Variants in LPP observed in about 807,000 individuals in gnomAD.
The protein encoded by LPP is lipoma-preferred partner.
A neutral mutation model predicts 60.4 loss-of-function variants in LPP; 38 were observed. That is an observed-to-expected ratio of 0.63 (90% CI 0.49 to 0.83). The LOEUF is 0.83. LPP is among the 40% of genes least tolerant of loss of function. The probability of loss-of-function intolerance (pLI) is 0.00; values close to 1 mark genes in which losing one functional copy is unlikely to be tolerated. For synonymous variants in LPP, 328 were observed against 290.8 expected, an observed-to-expected ratio of 1.13 and a Z score of -1.30; for missense variants, 902 against 783.6, an observed-to-expected ratio of 1.15 and a Z score of -1.80.
intron 7 of LPP, among the ~76,000 whole-genome samples, chr3:188,661,552 AGGCTT>A (rs1854575749): frequency 6.6e-6 from 1 of 152,200 alleles, no homozygotes; most frequent in African/African-American, 2.4e-5. Context: ...CTGTGGTAGC[AGGCTT>A]ATTTGCTTAT....
chr3:188,428,301 A>G (rs1420822298), intron 4 of LPP, among the ~76,000 whole-genome samples: 1 of 152,102 alleles, frequency 6.6e-6, no homozygotes, highest in Non-Finnish European at 1.5e-5. Context: ...AAATGCAGAA[A>G]TCACCCACCT....
chr3:188,741,695 CAAGAA>C (rs993505512), intron 8 of LPP, among the ~76,000 whole-genome samples: 7 of 151,256 alleles, frequency 4.6e-5, no homozygotes, highest in African/African-American at 1.7e-4. Context: ...AAAACTTTTC[CAAGAA>C]AAGAAAAGAA....
rs1310882419 is a variant in LPP, at chr3:188,673,857, C to CCTTT, written c.1114-34403_1114-34400dup. ...CAGTCTCTTAAGGAAGGGTAGAGTC[C>CCTTT]CTTTCTTTCTGTCTCTGTAATTTTT... On this transcript the variant is annotated intron_variant, in intron 7 of 11. Transcript: ENST00000617246. 2.0e-5 allele frequency among the ~76,000 whole-genome samples: 3 copies of CCTTT among 149,868 alleles called. No homozygotes were observed. The East Asian group carries it at 5.9e-4, about 30-fold the overall frequency.
chr3:188,345,998 G>C (rs780997288), intron 3 of LPP, among the ~76,000 whole-genome samples: 5 of 152,152 alleles, frequency 3.3e-5, no homozygotes, highest in Non-Finnish European at 7.4e-5. Flanking sequence ...GGGTGGCATA[G>C]ATGATGTCAA....
At chr3:188,449,723 TC>T (rs1796151586) in intron 4 of LPP, among the ~76,000 whole-genome samples, 1 of 152,152 alleles carries the variant, frequency 6.6e-6, no homozygotes, top group Non-Finnish European at 1.5e-5. Flanking sequence ...ATCGATCTGA[TC>T]TTATTTCTTA....
rs532090052 is a variant in LPP, at chr3:188,834,058, T to G, written c.1411-32142T>G. Reference sequence around the variant, plus strand: ...AAAATCTTCCACAAAAGTTTCCTTTTAAAAACTTAGATTAGGAAATTTTCA... The same window carrying G: ...AAAATCTTCCACAAAAGTTTCCTTTGAAAAACTTAGATTAGGAAATTTTCA... On this transcript the variant is annotated intron_variant, in intron 9 of 11. Coordinates refer to ENST00000617246, the MANE Select transcript of LPP (RefSeq NM_001375462.1). 3.5e-4 allele frequency among the ~76,000 whole-genome samples: 54 copies of G among 152,278 alleles called. 1 individual carries two copies. The highest frequency in any genetic ancestry group is 1.3e-3 in the African/African-American group (53 of 41,554).
At chr3:188,567,101 G>A (rs1364939348) in intron 6 of LPP, among the ~76,000 whole-genome samples, 2 of 151,844 alleles carry the variant, frequency 1.3e-5, no homozygotes, top group African/African-American at 4.8e-5. Flanking sequence ...ATACCCTTCA[G>A]TGAGGAAAGT....
At chr3:188,825,267 CTCTG>C (rs1345370894) in intron 9 of LPP, among the ~76,000 whole-genome samples, 109 of 98,986 alleles carry the variant, frequency 1.1e-3, no homozygotes, top group African/African-American at 3.2e-3. Flanking sequence ...CTCTCTCTCT[CTCTG>C]TGTGTGTGTG....
In LPP at chr3:188,523,165, G is replaced by A. The variant is rs376042335; in HGVS notation, c.307-1500G>A. Among the ~76,000 whole-genome samples the A allele has an allele frequency of 1.4e-3, 209 of 152,040 alleles. 1 individual carries two copies. Among genetic ancestry groups the A allele is most frequent in the African/African-American group, 4.8e-3 (199 of 41,496 alleles). ...CAGATAATCCACCCGCCTTGGCCTC[G>A]AAACCTGCTGAGATTACAGGCATGA... On this transcript the variant is annotated intron_variant, in intron 5 of 11. Transcript: ENST00000617246.
At chr3:188,815,829 G>A (rs1385931123) in intron 9 of LPP, among the ~76,000 whole-genome samples, 1 of 152,208 alleles carries the variant, frequency 6.6e-6, no homozygotes, top group African/African-American at 2.4e-5. Flanking sequence ...AAGACTAGCT[G>A]TTTTCTCTAC....
intron 3 of LPP, among the ~76,000 whole-genome samples, chr3:188,344,084 T>A (rs1432596009): frequency 6.6e-6 from 1 of 152,216 alleles, no homozygotes; most frequent in African/African-American, 2.4e-5. Flanking sequence ...TGATACCTAA[T>A]GTTCTTTAAT....
At chr3:188,175,295 C>T (rs1190594876) in intron 1 of LPP, among the ~76,000 whole-genome samples, 1 of 152,006 alleles carries the variant, frequency 6.6e-6, no homozygotes, top group Non-Finnish European at 1.5e-5. Flanking sequence ...TGCCATGTTG[C>T]CCAGGCTGGT....
At chr3:188,655,287 C>T (rs1852927935) in intron 7 of LPP, among the ~76,000 whole-genome samples, 1 of 152,054 alleles carries the variant, frequency 6.6e-6, no homozygotes. Context: ...GTTTCCATTT[C>T]TAGCAGCACG....
chr3:188,179,242 G>T (rs1359438249), intron 1 of LPP: 1 of 457,916 alleles, frequency 2.2e-6, no homozygotes, highest in Non-Finnish European at 4.4e-6. Context: ...GGAATCTTCG[G>T]CTGTGGCCTT....
intron 8 of LPP, 151 bp from the exon 9 acceptor site, chr3:188,759,962 T>C: frequency 1.6e-6 from 1 of 631,506 alleles, no homozygotes; most frequent in Admixed American, 2.8e-5. Context: ...GTGATCTTGC[T>C]GGGGTAATGG....
At chr3:188,355,254 G>T (rs933112850) in intron 3 of LPP, among the ~76,000 whole-genome samples, 4 of 152,044 alleles carry the variant, frequency 2.6e-5, no homozygotes, top group African/African-American at 9.7e-5. Flanking sequence ...TGTTCTACCC[G>T]CCTCGGCCTC....
chr3:188,536,087 C>A (rs1823538865), intron 6 of LPP, among the ~76,000 whole-genome samples: 1 of 149,468 alleles, frequency 6.7e-6, no homozygotes, highest in Non-Finnish European at 1.5e-5. Flanking sequence ...CATCTCACCG[C>A]AACCACTGCC....
chr3:188,527,492 A>T (rs1307424440), intron 6 of LPP, among the ~76,000 whole-genome samples: 1 of 152,190 alleles, frequency 6.6e-6, no homozygotes, highest in Non-Finnish European at 1.5e-5. Context: ...AATCAGGGAA[A>T]TCTAAAATTC....
In LPP at chr3:188,884,767, G is replaced by A. The variant is rs115881835; in HGVS notation, c.*10288G>A. 2.6e-3 allele frequency: 584 copies of A among 226,292 alleles called. 3 individuals are homozygous for A. The highest frequency in any genetic ancestry group is 0.012 in the African/African-American group (544 of 45,062). The allele number at this position is 226,292 out of a possible 1,614,324, so 14.0% of individuals were successfully genotyped here. ...CAGAGGCAGAAACCGCCGTAGGTTA[G>A]CAATGCATTTTAGTCTTTCTCTCCA... On this transcript the variant is annotated 3_prime_UTR_variant, in exon 12 of 12. Transcript: ENST00000617246.
Sources: gnomAD v4.1 joint callset for allele counts (sites outside exome capture counted in the v4.1 genomes callset) on GRCh38, gnomAD v4.1.1 for gene constraint, MANE v1.5 for transcripts, NCBI Gene and HGNC (gene_info 2026-07-23, HGNC 2026-07-21) for gene names.